The following CHD9 variants were observed in gnomAD, a reference collection of about 807,000 sequenced individuals.
CHD9 encodes the protein ATP-dependent chromatin remodeler CHD9.
In CHD9, 77 loss-of-function variants were observed where a neutral mutation model predicts 316.1. The ratio of observed to expected loss-of-function variants is 0.24; its 90% CI spans 0.20 to 0.29. The LOEUF (loss-of-function observed/expected upper bound fraction) is 0.29. Among genes scored for constraint, CHD9 ranks in the 10% least tolerant of loss-of-function variants. The probability of loss-of-function intolerance (pLI) is 1.00; values close to 1 mark genes in which losing one functional copy is unlikely to be tolerated. For missense variants in CHD9, 2,763 were observed against 3,438.1 expected (o/e 0.80, Z 4.91); for synonymous variants, 1,129 against 1,158.3 (o/e 0.97, Z 0.51).
At chr16:53,129,605 G>C (rs974304776) in intron 1 of CHD9, among the ~76,000 whole-genome samples, 1 of 152,224 alleles carries the variant, frequency 6.6e-6, no homozygotes, top group Non-Finnish European at 1.5e-5. Context: ...ATAAACAAGC[G>C]CAGTGTCGCT....
Position 53,318,928 on chromosome 16 carries a change from C to T in CHD9, c.7713+588C>T, listed in dbSNP as rs187297995. Among the ~76,000 whole-genome samples the T allele has an allele frequency of 1.6e-4, 25 of 152,288 alleles. No individual in the cohort carries two copies. In the East Asian group the frequency reaches 4.8e-3, roughly 29 times the overall value. On this transcript the variant is annotated intron_variant, in intron 37 of 38. Transcript: ENST00000447540. Reference sequence around the variant, plus strand: ...ACATGTCTTTTTCTATCAAAATCATCATATTACATAATTTCTGATTGATGA... The same window carrying T: ...ACATGTCTTTTTCTATCAAAATCATTATATTACATAATTTCTGATTGATGA...
chr16:53,192,238 G>T (rs2044539421), intron 2 of CHD9, among the ~76,000 whole-genome samples: 1 of 152,182 alleles, frequency 6.6e-6, no homozygotes, highest in African/African-American at 2.4e-5. Flanking sequence ...GTCTAATTGT[G>T]TGGGACTAAG....
intron 1 of CHD9, among the ~76,000 whole-genome samples, chr16:53,087,636 T>G (rs2035574721): frequency 6.6e-6 from 1 of 152,160 alleles, no homozygotes; most frequent in African/African-American, 2.4e-5. Context: ...AGGATTCTTT[T>G]GGTAGCAGGT....
intron 1 of CHD9, among the ~76,000 whole-genome samples, chr16:53,098,514 G>T (rs1001514363): frequency 6.6e-6 from 1 of 151,776 alleles, no homozygotes; most frequent in Non-Finnish European, 1.5e-5. Context: ...AAGCTGGGAG[G>T]CCTGAGATTT....
chr16:53,067,940 T>C (rs1410256154), intron 1 of CHD9, among the ~76,000 whole-genome samples: 8 of 151,964 alleles, frequency 5.3e-5, no homozygotes, highest in Non-Finnish European at 1.2e-4. Flanking sequence ...GTGCCTGTGG[T>C]ACCAGCTACT....
At chr16:53,131,221 C>T (rs545133003) in intron 1 of CHD9, 117 of 150,910 alleles carry the variant, frequency 7.8e-4, no homozygotes, top group South Asian at 1.3e-3. Context: ...CGGCCAGCCG[C>T]GAGTGTCAGT....
At chr16:53,090,449 ATG>A (rs558231241) in intron 1 of CHD9, among the ~76,000 whole-genome samples, 26 of 152,254 alleles carry the variant, frequency 1.7e-4, no homozygotes, top group African/African-American at 5.5e-4. Context: ...GCAGGAAAAC[ATG>A]TGAGTGTGGC....
intron 2 of CHD9, among the ~76,000 whole-genome samples, chr16:53,165,414 G>A (rs1419290620): frequency 6.6e-6 from 1 of 152,082 alleles, no homozygotes; most frequent in Non-Finnish European, 1.5e-5. Context: ...CCAGATAGAT[G>A]GAATATATTT....
chr16:53,204,123 C>CGTGTGTGTGT (rs59131817), intron 2 of CHD9, among the ~76,000 whole-genome samples: 4 of 142,066 alleles, frequency 2.8e-5, no homozygotes, highest in African/African-American at 7.7e-5. Context: ...ATCTAGATAA[C>CGTGTGTGTGT]GTGTGTGTGT....
intron 37 of CHD9, among the ~76,000 whole-genome samples, chr16:53,318,701 G>A (rs1268387178): frequency 6.6e-6 from 1 of 152,164 alleles, no homozygotes; most frequent in Non-Finnish European, 1.5e-5. Context: ...GCCACAAGGA[G>A]AAGATGCTAC....
chr16:53,292,790 A>G, intron 28 of CHD9, 43 bp from the exon 29 acceptor site: 1 of 1,485,020 alleles, frequency 6.7e-7, no homozygotes, highest in Non-Finnish European at 9.4e-7. Flanking sequence ...AGCTTCATAC[A>G]GTATCTGTTT....
chr16:53,206,370 A>G (rs550396757), intron 2 of CHD9, among the ~76,000 whole-genome samples: 18 of 140,602 alleles, frequency 1.3e-4, no homozygotes, highest in African/African-American at 3.9e-4. Context: ...AAAAAAAAAA[A>G]AAAACCATCC....
intron 1 of CHD9, among the ~76,000 whole-genome samples, chr16:53,098,644 G>A (rs556602598): frequency 6.6e-6 from 1 of 152,244 alleles, no homozygotes; most frequent in South Asian, 2.1e-4. Flanking sequence ...CACCTCAAGT[G>A]TGACTCAATC....
intron 1 of CHD9, among the ~76,000 whole-genome samples, chr16:53,068,670 G>A (rs1326129607): frequency 6.6e-6 from 1 of 152,154 alleles, no homozygotes; most frequent in Non-Finnish European, 1.5e-5. Context: ...CATTGTCAAA[G>A]CAAGGTGCAC....
intron 10 of CHD9, 155 bp from the exon 11 acceptor site, chr16:53,235,030 A>G: frequency 2.0e-6 from 1 of 497,016 alleles, no homozygotes; most frequent in East Asian, 3.4e-5. Context: ...GAAGAGTTGT[A>G]TAGAATTAAT....
At chr16:53,171,885 C>T (rs933068307) in intron 2 of CHD9, among the ~76,000 whole-genome samples, 2 of 110,410 alleles carry the variant, frequency 1.8e-5, no homozygotes. Context: ...CACACACACA[C>T]ACACACACAC....
At chr16:53,212,697 C>CATAGAGTGTGATATACACATAG (rs1275009541) in intron 3 of CHD9, among the ~76,000 whole-genome samples, 2 of 152,058 alleles carry the variant, frequency 1.3e-5, no homozygotes, top group Non-Finnish European at 2.9e-5. Flanking sequence ...AGTGGGCATA[C>CATAGAGTGTGATATACACATAG]AGTGTGATAA....
At chr16:53,124,398 G>C (rs1056259411) in intron 1 of CHD9, among the ~76,000 whole-genome samples, 67 of 151,846 alleles carry the variant, frequency 4.4e-4, no homozygotes, top group African/African-American at 1.2e-3. Flanking sequence ...TTACATGGTG[G>C]CAGGCGAGAG....
chr16:53,094,812 T>A (rs980348065), intron 1 of CHD9, among the ~76,000 whole-genome samples: 2 of 152,000 alleles, frequency 1.3e-5, no homozygotes, highest in African/African-American at 2.4e-5. Context: ...ACTAATTTTG[T>A]ATTTTTAGTA....
Sources: gnomAD v4.1 joint callset for allele counts (sites outside exome capture counted in the v4.1 genomes callset) on GRCh38, gnomAD v4.1.1 for gene constraint, MANE v1.5 for transcripts, NCBI Gene and HGNC (gene_info 2026-07-23, HGNC 2026-07-21) for gene names.